The following EFR3B variants were observed in gnomAD, a reference collection of about 807,000 sequenced individuals.
EFR3B encodes EFR3 homolog B.
In EFR3B, 64 loss-of-function variants were observed where a neutral mutation model predicts 104.7. That is an observed-to-expected ratio of 0.61 (90% CI 0.50 to 0.75). The LOEUF (loss-of-function observed/expected upper bound fraction) is 0.75, where lower values mean the gene tolerates loss of function less well. EFR3B is among the 30% of genes least tolerant of loss of function. EFR3B has a pLI of 0.00. For missense variants in EFR3B, 750 were observed against 1,078.5 expected (o/e 0.70, Z 4.27); for synonymous variants, 385 against 417.9 (o/e 0.92, Z 0.96).
Position 25,154,225 on chromosome 2 carries a change from T to A in EFR3B, c.2349-10T>A, listed in dbSNP as rs1289302146. On this transcript the variant is annotated splice_polypyrimidine_tract_variant and intron_variant, in intron 22 of 22. Transcript: ENST00000403714. This position sits in a 1 kb window ranked among gnomAD's most constrained non-coding sequence, Gnocchi z 4.1. ...TCATGCCTTTCTCCCCATGTGTTCC[T>A]GCCCCCTAGGCCCCCACCAAGCCCA... is the stretch of plus-strand genomic sequence containing the variant. The A allele has an allele frequency of 6.4e-7, 1 of 1,551,404 alleles. No homozygotes were observed. Among genetic ancestry groups the A allele is most frequent in the Non-Finnish European group, 8.7e-7 (1 of 1,146,828 alleles).
intron 1 of EFR3B, among the ~76,000 whole-genome samples, chr2:25,079,077 C>T (rs1573186134): frequency 1.3e-5 from 2 of 152,162 alleles, no homozygotes; most frequent in Admixed American, 6.5e-5. Flanking sequence ...GGAGGAAGGA[C>T]TTGAAGATGA....
intron 1 of EFR3B, among the ~76,000 whole-genome samples, chr2:25,059,094 T>C (rs934647275): frequency 3.3e-5 from 5 of 151,764 alleles, no homozygotes; most frequent in Admixed American, 6.6e-5. Context: ...CTGTGTATGA[T>C]AGAATATTAT....
At chr2:25,151,421 A>G (rs917408012) in intron 20 of EFR3B, among the ~76,000 whole-genome samples, 1 of 151,954 alleles carries the variant, frequency 6.6e-6, no homozygotes, top group Non-Finnish European at 1.5e-5. Context: ...ACGCCTGGCT[A>G]ATTTTTGTAT....
At chr2:25,091,442 C>A in intron 2 of EFR3B, 41 bp downstream of exon 2, 1 of 1,518,082 alleles carries the variant, frequency 6.6e-7, no homozygotes, top group Non-Finnish European at 8.8e-7. Context: ...TCTCATGGTC[C>A]AGGCAGGGCC....
intron 1 of EFR3B, among the ~76,000 whole-genome samples, chr2:25,091,015 A>G (rs758309816): frequency 6.6e-5 from 10 of 152,060 alleles, no homozygotes; most frequent in Non-Finnish European, 1.2e-4. Context: ...GTAAGCTCCC[A>G]CCCACGAAGC....
intron 4 of EFR3B, among the ~76,000 whole-genome samples, chr2:25,118,165 G>A (rs990687561): frequency 5.9e-5 from 9 of 152,070 alleles, no homozygotes; most frequent in African/African-American, 2.4e-5. Flanking sequence ...ATTTTTAGTA[G>A]AGACGGGGTT....
chr2:25,045,735 T>C (rs1558579012), intron 1 of EFR3B, among the ~76,000 whole-genome samples: 1 of 151,758 alleles, frequency 6.6e-6, no homozygotes, highest in Non-Finnish European at 1.5e-5. Flanking sequence ...TGAGCTGAGA[T>C]TGGCGCCACT....
Position 25,091,325 on chromosome 2 carries a change from G to A in EFR3B, c.8G>A (p.Gly3Asp), listed in dbSNP as rs764371087. ...ACAGTTTTTCCCATTCTTATTCCAG[G>A]TGTGTGTGGCTGCTGTGGTGCCCTA... Reference protein sequence around the residue: MYGVCGCCGALRP... With the variant: MYDVCGCCGALRP... The change falls in exon 2 of 23, where the codon GGT (glycine) becomes GAT (aspartate). Residue 3 changes from glycine to aspartate, a missense_variant and splice_region_variant. Coordinates refer to ENST00000403714, the MANE Select transcript of EFR3B (RefSeq NM_014971.2). The A allele has an allele frequency of 6.5e-7, 1 of 1,549,956 alleles. No individual in the cohort carries two copies. The highest frequency in any genetic ancestry group is 8.7e-7 in the Non-Finnish European group (1 of 1,146,270).
In EFR3B at chr2:25,131,094, G is replaced by A. The variant is rs188982895; in HGVS notation, c.850-274G>A. 6.6e-6 allele frequency among the ~76,000 whole-genome samples: 1 copy of A among 152,126 alleles called. No homozygotes were observed. Among genetic ancestry groups the A allele is most frequent in the Admixed American group, 6.5e-5 (1 of 15,270 alleles). On this transcript the variant is annotated intron_variant, in intron 8 of 22. Coordinates refer to ENST00000403714, the MANE Select transcript of EFR3B (RefSeq NM_014971.2). The surrounding 1 kb of genome is among the most constrained non-coding windows in gnomAD (Gnocchi z 7.6). ...GCCGGAAAGACCTGAAGAAATGAAA[G>A]GAAGACCCTATTTTAAAATGGTCTT...
chr2:25,086,986 G>A (rs184240482), intron 1 of EFR3B, among the ~76,000 whole-genome samples: 2 of 152,300 alleles, frequency 1.3e-5, no homozygotes, highest in East Asian at 1.9e-4. Flanking sequence ...CTGAGACTGC[G>A]TAATTTATAA....
At chr2:25,122,274 G>A (rs1670038126) in intron 5 of EFR3B, among the ~76,000 whole-genome samples, 1 of 152,172 alleles carries the variant, frequency 6.6e-6, no homozygotes. Flanking sequence ...GCCCCCACAT[G>A]TGGTTTCTAA....
intron 1 of EFR3B, among the ~76,000 whole-genome samples, chr2:25,083,961 C>A (rs900656144): frequency 2.0e-5 from 3 of 152,170 alleles, no homozygotes; most frequent in Non-Finnish European, 4.4e-5. Context: ...ACATAGGCCT[C>A]AGTTTCCCTA....
At position 25,136,695 on chromosome 2, in the gene EFR3B, C is replaced by A. The variant is rs563437588; in HGVS notation, c.1560+97C>A. On this transcript the variant is annotated intron_variant, in intron 14 of 22. Transcript: ENST00000403714. This position sits in a 1 kb window ranked among gnomAD's most constrained non-coding sequence, Gnocchi z 4.0. ...GGGAGGCTGAGGCGGGCGGATAGAT[C>A]ACTTGAGGTGGGGAGCTCGAGACCA... 2 of 1,032,934 alleles carry A rather than the reference C, an allele frequency of 1.9e-6. No homozygotes were observed. Among genetic ancestry groups the A allele is most frequent in the Admixed American group, 2.1e-5 (1 of 48,244 alleles). 64.0% of individuals were successfully genotyped at this position (1,032,934 alleles called of 1,614,324 possible). A position where few individuals can be genotyped will look rare whatever the true frequency, so the allele number is the denominator to read the frequency against.
intron 1 of EFR3B, among the ~76,000 whole-genome samples, chr2:25,051,407 G>A (rs765596581): frequency 6.6e-6 from 1 of 150,748 alleles, no homozygotes; most frequent in Non-Finnish European, 1.5e-5. Context: ...GAGCCACCAC[G>A]CCCAGCCTGA....
chr2:25,115,074 G>C (rs980036985), intron 4 of EFR3B, among the ~76,000 whole-genome samples: 3 of 152,274 alleles, frequency 2.0e-5, no homozygotes, highest in Non-Finnish European at 4.4e-5. Flanking sequence ...CCAGCTACTC[G>C]GGAGGCAGAG....
At chr2:25,118,726 CAAAAAAAAAA>C (rs869026900) in intron 4 of EFR3B, among the ~76,000 whole-genome samples, 13 of 33,534 alleles carry the variant, frequency 3.9e-4, no homozygotes, top group Admixed American at 1.2e-3. Flanking sequence ...CCTGTCTCTA[CAAAAAAAAAA>C]AAAAAAAAAA....
At position 25,156,304 on chromosome 2, in the gene EFR3B, T is replaced by TG. The variant is rs1306238659; in HGVS notation, c.*1964_*1965insG. The TG allele has an allele frequency of 2.1e-5, 3 of 139,770 alleles. No homozygotes were observed. Among genetic ancestry groups the TG allele is most frequent in the East Asian group, 4.1e-4 (2 of 4,892 alleles). 8.7% of individuals were successfully genotyped at this position (139,770 alleles called of 1,614,324 possible). On this transcript the variant is annotated 3_prime_UTR_variant, in exon 23 of 23. Transcript: ENST00000403714. ...TTCTTTTTCTTGTTTTTTTTTTTTT[T>TG]TTTTTTTTTTTGAGACACCGTCTCG...
intron 1 of EFR3B, among the ~76,000 whole-genome samples, chr2:25,054,561 G>A (rs185537289): frequency 2.8e-4 from 42 of 152,188 alleles, no homozygotes; most frequent in African/African-American, 8.7e-4. Flanking sequence ...CAGGTGATCC[G>A]CCTGCCAAAG....
chr2:25,049,164 G>A (rs1166474211), intron 1 of EFR3B, among the ~76,000 whole-genome samples: 3 of 152,146 alleles, frequency 2.0e-5, no homozygotes, highest in Middle Eastern at 3.2e-3. Context: ...TCTCGAGAGC[G>A]TTCAATATTA....
Sources: allele counts gnomAD v4.1 joint callset (sites outside exome capture counted in the v4.1 genomes callset), GRCh38; gene constraint gnomAD v4.1.1; non-coding constraint Gnocchi (gnomAD v3.1); transcripts MANE v1.5; gene names NCBI Gene and HGNC (gene_info 2026-07-23, HGNC 2026-07-21).